The following DOCK10 variants were observed in gnomAD, a reference collection of about 807,000 sequenced individuals.
The protein encoded by DOCK10 is dedicator of cytokinesis 10.
In DOCK10, 145 loss-of-function variants were observed where a neutral mutation model predicts 280.1. That is an observed-to-expected ratio of 0.52 (90% CI 0.45 to 0.59). DOCK10 has a LOEUF of 0.59. Among genes scored for constraint, DOCK10 ranks in the 20% least tolerant of loss-of-function variants. The pLI is 0.00. For synonymous variants in DOCK10, 915 were observed against 942.2 expected (o/e 0.97, Z 0.53); for missense variants, 2,368 against 2,651.7 (o/e 0.89, Z 2.35).
intron 1 of DOCK10, among the ~76,000 whole-genome samples, chr2:225,005,907 C>G (rs575271236): frequency 1.6e-4 from 24 of 152,294 alleles, no homozygotes; most frequent in Non-Finnish European, 3.2e-4. Context: ...TAGAGATTAT[C>G]CATGTGTCTA....
intron 24 of DOCK10, among the ~76,000 whole-genome samples, chr2:224,839,443 G>C (rs1695814239): frequency 6.6e-6 from 1 of 152,038 alleles, no homozygotes; most frequent in African/African-American, 2.4e-5. Context: ...CCCTAAACTA[G>C]AGACACTCCA....
chr2:224,812,986 A>G (rs1288501848), intron 31 of DOCK10, among the ~76,000 whole-genome samples: 1 of 152,128 alleles, frequency 6.6e-6, no homozygotes, highest in African/African-American at 2.4e-5. Flanking sequence ...TGGTATCAGG[A>G]TGATGCTGGC....
At chr2:224,987,146 C>A (rs938811781) in intron 1 of DOCK10, among the ~76,000 whole-genome samples, 1 of 152,022 alleles carries the variant, frequency 6.6e-6, no homozygotes, top group East Asian at 1.9e-4. Context: ...AGTGAAATGA[C>A]AACAAAGCAG....
chr2:224,792,820 T>G (rs1692291198), intron 47 of DOCK10, among the ~76,000 whole-genome samples, 154 bp downstream of exon 47: 1 of 152,216 alleles, frequency 6.6e-6, no homozygotes, highest in South Asian at 2.1e-4. Flanking sequence ...GATTTCTGAA[T>G]GGCAGGAGTT....
intron 1 of DOCK10, chr2:225,010,655 C>T (rs1215509373): frequency 6.5e-6 from 1 of 154,156 alleles, no homozygotes; most frequent in Non-Finnish European, 1.5e-5. Flanking sequence ...TCAAATAAGA[C>T]AGTTCATACA....
At chr2:225,013,875 TGA>T (rs1689511931) in intron 1 of DOCK10, among the ~76,000 whole-genome samples, 1 of 152,034 alleles carries the variant, frequency 6.6e-6, no homozygotes, top group African/African-American at 2.4e-5. Flanking sequence ...TGTGTGTGTG[TGA>T]GTGACAGAGA....
chr2:224,886,438 C>A (rs146449520), intron 5 of DOCK10, 21 bp downstream of exon 5: 1 of 1,595,444 alleles, frequency 6.3e-7, no homozygotes, highest in African/African-American at 1.3e-5. Context: ...TTAAACATCT[C>A]ACTTTCAACT....
chr2:224,953,997 T>A (rs1703909262), intron 1 of DOCK10, among the ~76,000 whole-genome samples: 1 of 152,174 alleles, frequency 6.6e-6, no homozygotes, highest in South Asian at 2.1e-4. Flanking sequence ...TTGCTGTGTA[T>A]GTCTGTACAG....
chr2:224,836,676 T>C (rs1481368540), intron 25 of DOCK10, among the ~76,000 whole-genome samples: 1 of 151,662 alleles, frequency 6.6e-6, no homozygotes, highest in Non-Finnish European at 1.5e-5. Context: ...CTTGGCTCAC[T>C]GCAAGCTCTG....
chr2:224,816,015 C>A (rs1056140739), intron 30 of DOCK10, among the ~76,000 whole-genome samples: 1 of 152,008 alleles, frequency 6.6e-6, no homozygotes, highest in Non-Finnish European at 1.5e-5. Context: ...GCCTGGGTGA[C>A]AGAGTGAGAC....
At chr2:225,035,935 C>T (rs1292912193) in intron 1 of DOCK10, among the ~76,000 whole-genome samples, 2 of 151,756 alleles carry the variant, frequency 1.3e-5, no homozygotes, top group African/African-American at 2.4e-5. Context: ...CTCTCATGAC[C>T]GAATCTACCC....
intron 21 of DOCK10, 143 bp downstream of exon 21, chr2:224,845,060 C>T: frequency 2.1e-6 from 2 of 955,784 alleles, no homozygotes; most frequent in Non-Finnish European, 3.1e-6. Flanking sequence ...ATAAGCTAAA[C>T]AAGAGATGTG....
At chr2:224,986,805 T>C (rs1405055990) in intron 1 of DOCK10, among the ~76,000 whole-genome samples, 9 of 152,152 alleles carry the variant, frequency 5.9e-5, no homozygotes, top group Admixed American at 5.9e-4. Context: ...ACCTAGTCTG[T>C]GGTGTTTTGC....
At chr2:224,814,649 G>C (rs1315912280) in intron 30 of DOCK10, among the ~76,000 whole-genome samples, 2 of 152,106 alleles carry the variant, frequency 1.3e-5, no homozygotes, top group Admixed American at 1.3e-4. Context: ...AGTCTCCCAA[G>C]TAGCTGGGAT....
intron 1 of DOCK10, among the ~76,000 whole-genome samples, chr2:225,017,422 C>T (rs56397043): frequency 9.0e-6 from 1 of 110,950 alleles, no homozygotes; most frequent in Non-Finnish European, 2.0e-5. Flanking sequence ...AAGAGACAGA[C>T]AGAGATTGAG....
At chr2:224,780,166 C>A (rs1048793438) in intron 50 of DOCK10, among the ~76,000 whole-genome samples, 2 of 152,214 alleles carry the variant, frequency 1.3e-5, no homozygotes, top group Non-Finnish European at 2.9e-5. Flanking sequence ...AATGCCTTGA[C>A]CCCAAACTGC....
intron 1 of DOCK10, among the ~76,000 whole-genome samples, chr2:225,032,806 T>C (rs1036727365): frequency 6.6e-6 from 1 of 152,234 alleles, no homozygotes; most frequent in Non-Finnish European, 1.5e-5. Context: ...TTTTGTTAAG[T>C]TTTTTGTTTG....
chr2:224,837,949 A>G, intron 24 of DOCK10, 118 bp from the exon 25 acceptor site: 2 of 772,378 alleles, frequency 2.6e-6, no homozygotes, highest in Non-Finnish European at 4.5e-6. Context: ...GAATGAATGA[A>G]CCAATCTCTG....
At chr2:224,813,406 G>A (rs1478360798) in intron 31 of DOCK10, among the ~76,000 whole-genome samples, 1 of 152,126 alleles carries the variant, frequency 6.6e-6, no homozygotes, top group Non-Finnish European at 1.5e-5. Context: ...ATGTTGGCCA[G>A]GGTGATGTCG....
Sources: allele counts gnomAD v4.1 joint callset (sites outside exome capture counted in the v4.1 genomes callset), GRCh38; gene constraint gnomAD v4.1.1; transcripts MANE v1.5; gene names NCBI Gene and HGNC (gene_info 2026-07-23, HGNC 2026-07-21).